The following DTNA variants were observed in gnomAD, a reference collection of about 807,000 sequenced individuals.
DTNA encodes dystrophin-related protein 3.
In DTNA, 43 loss-of-function variants were observed where a neutral mutation model predicts 100.7. That is an observed-to-expected ratio of 0.43 (90% CI 0.33 to 0.55). The LOEUF (loss-of-function observed/expected upper bound fraction) is 0.55, where lower values mean the gene tolerates loss of function less well. DTNA is among the 20% of genes least tolerant of loss of function. DTNA has a pLI of 0.04. For missense variants in DTNA, 798 were observed against 953.9 expected, an observed-to-expected ratio of 0.84 and a Z score of 2.15; for synonymous variants, 349 against 347.9, an observed-to-expected ratio of 1.00 and a Z score of -0.04.
intron 19 of DTNA, 35 bp from the exon 20 acceptor site, chr18:34,879,516 G>C (rs768531102): frequency 6.2e-7 from 1 of 1,611,304 alleles, no homozygotes; most frequent in Non-Finnish European, 8.5e-7. Flanking sequence ...AAAATCTAAC[G>C]AGTCATTCTT....
chr18:34,878,383 A>G (rs939985275), intron 19 of DTNA, among the ~76,000 whole-genome samples: 13 of 152,234 alleles, frequency 8.5e-5, no homozygotes, highest in Admixed American at 3.9e-4. Context: ...AAACTGACCT[A>G]TAATTCTGGA....
intron 9 of DTNA, among the ~76,000 whole-genome samples, chr18:34,821,928 G>A (rs1368732643): frequency 6.6e-6 from 1 of 152,170 alleles, no homozygotes; most frequent in Admixed American, 6.5e-5. Context: ...GTTCTCTGAT[G>A]GACCTTAGCA....
intron 1 of DTNA, among the ~76,000 whole-genome samples, chr18:34,495,441 T>A (rs560947331): frequency 2.0e-5 from 3 of 152,324 alleles, no homozygotes; most frequent in South Asian, 4.1e-4. Flanking sequence ...AGCAAATGGC[T>A]AAAGCTATAT....
rs546178171 is a variant in DTNA at position 34,794,821 on chromosome 18, T to C, written c.362+571T>C. On this transcript the variant is annotated intron_variant, in intron 4 of 22. Transcript: ENST00000444659. ...GCTTCATTTTTGTATAATTTTCCCT[T>C]TTAGAATCAGAGAATTTCAGGGCTG... Among the ~76,000 whole-genome samples, 16 of 152,306 alleles carry C rather than the reference T, an allele frequency of 1.1e-4. No homozygotes were observed. The East Asian group carries it at 3.1e-3, about 29-fold the overall frequency.
intron 3 of DTNA, among the ~76,000 whole-genome samples, chr18:34,779,139 A>G (rs2148767514): frequency 6.6e-6 from 1 of 152,364 alleles, no homozygotes; most frequent in East Asian, 1.9e-4. Context: ...ACATTCATGT[A>G]GCTTGCATTC....
intron 3 of DTNA, among the ~76,000 whole-genome samples, chr18:34,775,288 G>T (rs1842412): frequency 6.6e-6 from 1 of 151,924 alleles, no homozygotes; most frequent in Non-Finnish European, 1.5e-5. Flanking sequence ...AGATCGAGAC[G>T]ATCCTGGTGA....
chr18:34,618,205 A>T (rs1009120490), intron 1 of DTNA, among the ~76,000 whole-genome samples: 18 of 152,142 alleles, frequency 1.2e-4, no homozygotes, highest in Admixed American at 7.2e-4. Context: ...GTTGTGTTAG[A>T]TCTTTTTACC....
rs1198135583 is a variant in DTNA, at chr18:34,829,419, G to A, written c.1105G>A (p.Ala369Thr). 1.3e-6 allele frequency: 2 copies of A among 1,535,030 alleles called. No homozygotes were observed. Among genetic ancestry groups the A allele is most frequent in the Non-Finnish European group, 1.7e-6 (2 of 1,146,524 alleles). Residue 369 changes from alanine (A) to threonine (T), a missense_variant, in exon 11 of 23, where the codon GCA becomes ACA. Coordinates refer to ENST00000444659, the MANE Select transcript of DTNA (RefSeq NM_001386795.1). ...CCTCAGGTTACCTGAGGGAATAAGTGCATCCAGCCCTGTGGCTGAAGAGCA... is the reference window on the plus strand; with the variant it reads ...CCTCAGGTTACCTGAGGGAATAAGTACATCCAGCCCTGTGGCTGAAGAGCA... The part of the protein sequence containing the change: ...ITRRLPEGIS[A>T]SSPVAEEHSL...
At chr18:34,658,511 T>G (rs2074716381) in intron 1 of DTNA, among the ~76,000 whole-genome samples, 1 of 148,564 alleles carries the variant, frequency 6.7e-6, no homozygotes, top group Admixed American at 6.6e-5. Flanking sequence ...TGCCACCATA[T>G]CTGGCTAATT....
intron 1 of DTNA, among the ~76,000 whole-genome samples, chr18:34,749,894 G>C (rs2092138999): frequency 6.6e-6 from 1 of 152,056 alleles, no homozygotes; most frequent in African/African-American, 2.4e-5. Flanking sequence ...ATTAGGACTA[G>C]AATGTAAATC....
chr18:34,790,570 T>A (rs1265081172), intron 3 of DTNA, among the ~76,000 whole-genome samples: 34 of 109,202 alleles, frequency 3.1e-4, no homozygotes, highest in Admixed American at 7.6e-4. Flanking sequence ...TATATATATT[T>A]TTTTTTTTTT....
At chr18:34,715,520 A>T (rs925486064) in intron 1 of DTNA, among the ~76,000 whole-genome samples, 7 of 152,126 alleles carry the variant, frequency 4.6e-5, no homozygotes, top group Admixed American at 6.5e-5. Flanking sequence ...TATATCTGAA[A>T]CCTGTTAATT....
rs531107489 is a variant in DTNA at position 34,678,479 on chromosome 18, C to G, written c.-1-77497C>G. 2.0e-5 allele frequency among the ~76,000 whole-genome samples: 3 copies of G among 152,238 alleles called. No individual in the cohort carries two copies. In the East Asian group the frequency reaches 5.8e-4, roughly 30 times the overall value. ...CTTCCCTTTCCACCCCCACTGCCAC[C>G]AGATGCCTTGTCCCTTTTACTTTAC... On this transcript the variant is annotated intron_variant, in intron 1 of 19. Transcript: ENST00000283365.
At chr18:34,725,007 A>G (rs2086269295) in intron 1 of DTNA, among the ~76,000 whole-genome samples, 1 of 152,206 alleles carries the variant, frequency 6.6e-6, no homozygotes, top group African/African-American at 2.4e-5. Flanking sequence ...AGGATTCCCT[A>G]TTTAATAAAT....
chr18:34,673,123 GT>G (rs1293479615), intron 1 of DTNA, among the ~76,000 whole-genome samples: 3 of 151,996 alleles, frequency 2.0e-5, no homozygotes. Context: ...ATCTCACTCT[GT>G]CACTCAGGCT....
At chr18:34,657,892 G>T (rs1439266788) in intron 1 of DTNA, among the ~76,000 whole-genome samples, 1 of 152,166 alleles carries the variant, frequency 6.6e-6, no homozygotes, top group Non-Finnish European at 1.5e-5. Flanking sequence ...TACACCTTTG[G>T]ACAATCATTC....
chr18:34,693,728 C>T (rs919531949), intron 1 of DTNA, among the ~76,000 whole-genome samples: 1 of 145,874 alleles, frequency 6.9e-6, no homozygotes, highest in Non-Finnish European at 1.5e-5. Context: ...CCACATCCTG[C>T]TTGTCATCTT....
intron 1 of DTNA, among the ~76,000 whole-genome samples, chr18:34,516,561 A>G (rs1321235605): frequency 6.6e-6 from 1 of 152,098 alleles, no homozygotes; most frequent in Non-Finnish European, 1.5e-5. Context: ...ATCTACAACC[A>G]TATAAGACAG....
At chr18:34,877,582 A>G in intron 18 of DTNA, 137 bp from the exon 19 acceptor site, 2 of 685,984 alleles carry the variant, frequency 2.9e-6, no homozygotes. Context: ...CAGGAAATGA[A>G]CTAAAGCACT....
Sources: gnomAD v4.1 joint callset for allele counts (sites outside exome capture counted in the v4.1 genomes callset) on GRCh38, gnomAD v4.1.1 for gene constraint, MANE v1.5 for transcripts, NCBI Gene and HGNC (gene_info 2026-07-23, HGNC 2026-07-21) for gene names.